Variants in NBAS observed in about 807,000 individuals in gnomAD.
The protein encoded by NBAS is NAG/BC035112 fusion.
Under a neutral mutation model 302.5 loss-of-function variants are expected in NBAS, and 219 were observed. The ratio of observed to expected loss-of-function variants is 0.72; its 90% CI spans 0.65 to 0.81. The LOEUF is 0.81. Among genes scored for constraint, NBAS ranks in the 30% least tolerant of loss-of-function variants. The probability of loss-of-function intolerance (pLI) is 0.00; values close to 1 mark genes in which losing one functional copy is unlikely to be tolerated. For synonymous variants in NBAS, 1,118 were observed against 1,021.6 expected (o/e 1.09, Z -1.80); for missense variants, 2,932 against 2,841.6 (o/e 1.03, Z -0.72).
chr2:14,997,494 A>G, the NBAS span, among the ~76,000 whole-genome samples: 17 of 151,024 alleles, frequency 1.1e-4, no homozygotes, highest in African/African-American at 4.1e-4. Flanking sequence ...TTATTGAGGT[A>G]TAACTGACAA....
chr2:15,322,175 G>A (rs1216029972), intron 38 of NBAS, among the ~76,000 whole-genome samples: 3 of 151,018 alleles, frequency 2.0e-5, no homozygotes, highest in South Asian at 2.1e-4. Flanking sequence ...ACTCATAGGT[G>A]GGAATTGAAC....
rs148258158 is a variant in NBAS at position 15,503,232 on chromosome 2, CT to C, written c.954+912del. Among the ~76,000 whole-genome samples, 12 of 148,906 alleles carry C rather than the reference CT, an allele frequency of 8.1e-5. No individual in the cohort carries two copies. In the East Asian group the frequency reaches 1.2e-3, roughly 15 times the overall value. ...ATTCCTAAGGCTGTTTTATGGTTAA[CT>C]TTTTTTTTTAGTAAGTAGAAGGAGT... On this transcript the variant is annotated intron_variant, in intron 11 of 51. Coordinates refer to ENST00000281513, the MANE Select transcript of NBAS (RefSeq NM_015909.4).
At chr2:15,277,213 A>G in intron 42 of NBAS, 112 bp from the exon 43 acceptor site, 1 of 1,351,184 alleles carries the variant, frequency 7.4e-7, no homozygotes, top group African/African-American at 1.5e-5. Context: ...CTTCCTGCCT[A>G]CTCAAAGACA....
intron 13 of NBAS, 47 bp from the exon 14 acceptor site, chr2:15,475,927 T>A: frequency 7.0e-7 from 1 of 1,435,894 alleles, no homozygotes; most frequent in Non-Finnish European, 9.7e-7. Flanking sequence ...GCTAATGTGG[T>A]TTAAATTCAA....
the NBAS span, among the ~76,000 whole-genome samples, chr2:14,954,401 C>T: frequency 6.6e-6 from 1 of 152,152 alleles, no homozygotes; most frequent in East Asian, 1.9e-4. Flanking sequence ...GCTCTGGGCA[C>T]AGTGGCGACC....
At chr2:14,982,881 G>A in the NBAS span, among the ~76,000 whole-genome samples, 1 of 152,144 alleles carries the variant, frequency 6.6e-6, no homozygotes, top group Non-Finnish European at 1.5e-5. Flanking sequence ...AAATAAGAAG[G>A]GAAAGGATGT....
intron 6 of NBAS, among the ~76,000 whole-genome samples, chr2:15,550,931 A>C (rs1420001281): frequency 6.6e-6 from 1 of 152,068 alleles, no homozygotes; most frequent in Non-Finnish European, 1.5e-5. Context: ...TTTCTTTCTC[A>C]GCCATCTCAT....
intron 44 of NBAS, among the ~76,000 whole-genome samples, chr2:15,275,092 T>G (rs1344635565): frequency 6.6e-6 from 1 of 152,144 alleles, no homozygotes; most frequent in Non-Finnish European, 1.5e-5. Flanking sequence ...CAATAACTTT[T>G]TTAAAGACTC....
chr2:15,265,621 C>G (rs1323726374), intron 44 of NBAS, among the ~76,000 whole-genome samples: 1 of 152,100 alleles, frequency 6.6e-6, no homozygotes, highest in Non-Finnish European at 1.5e-5. Context: ...GCAGCAACTA[C>G]AATATTAATT....
Position 15,281,533 on chromosome 2 carries a change from T to C in NBAS, c.5139-4432A>G, listed in dbSNP as rs114418815. ...TCTAGCCTGTTCCCAGAATTAATAA[T>C]AATAGCTACTATTTTTTTTAACACC... is the stretch of plus-strand genomic sequence containing the variant. On this transcript the variant is annotated intron_variant, in intron 42 of 51. Transcript: ENST00000281513. Among the ~76,000 whole-genome samples the C allele has an allele frequency of 1.1e-3, 162 of 152,338 alleles. 1 individual carries two copies. The highest frequency in any genetic ancestry group is 9.7e-4 in the Non-Finnish European group (66 of 68,026).
At chr2:14,997,179 A>G in the NBAS span, among the ~76,000 whole-genome samples, 1 of 152,106 alleles carries the variant, frequency 6.6e-6, no homozygotes, top group Non-Finnish European at 1.5e-5. Flanking sequence ...GCAGGAGAGG[A>G]GCAGAAAAGG....
At chr2:14,847,567 T>C in the NBAS span, among the ~76,000 whole-genome samples, 1 of 147,334 alleles carries the variant, frequency 6.8e-6, no homozygotes, top group Non-Finnish European at 1.5e-5. Flanking sequence ...GATAAAGGGG[T>C]CAATTCAGCA....
chr2:15,129,545 A>G, the NBAS span, among the ~76,000 whole-genome samples: 1 of 152,144 alleles, frequency 6.6e-6, no homozygotes, highest in East Asian at 1.9e-4. Context: ...TCAGCCAGAC[A>G]CGGGGCTCCC....
the NBAS span, among the ~76,000 whole-genome samples, chr2:15,024,872 C>A: frequency 6.6e-6 from 1 of 152,136 alleles, no homozygotes; most frequent in African/African-American, 2.4e-5. Context: ...AGAACTTAAT[C>A]AGATGTACAG....
At chr2:15,081,321 A>G in the NBAS span, among the ~76,000 whole-genome samples, 1 of 152,202 alleles carries the variant, frequency 6.6e-6, no homozygotes, top group Admixed American at 6.5e-5. Context: ...AGGCAACTCC[A>G]AGGAGGTATG....
the NBAS span, among the ~76,000 whole-genome samples, chr2:15,038,795 G>A: frequency 1.8e-4 from 28 of 152,336 alleles, 1 homozygote; most frequent in Admixed American, 5.9e-4. Context: ...AATTTGGCCC[G>A]TAGCCACTCC....
chr2:15,059,324 T>C, the NBAS span, among the ~76,000 whole-genome samples: 1 of 152,366 alleles, frequency 6.6e-6, no homozygotes, highest in South Asian at 2.1e-4. Flanking sequence ...TAAATGTTCC[T>C]TGTTGATGAA....
At chr2:15,402,690 A>T (rs1166104330) in intron 25 of NBAS, among the ~76,000 whole-genome samples, 1 of 152,190 alleles carries the variant, frequency 6.6e-6, no homozygotes, top group Non-Finnish European at 1.5e-5. Flanking sequence ...TAATATTCAA[A>T]GATGTTACAA....
the NBAS span, among the ~76,000 whole-genome samples, chr2:14,837,023 C>T: frequency 2.0e-5 from 3 of 151,812 alleles, no homozygotes; most frequent in Non-Finnish European, 4.4e-5. Context: ...AGCAACCTTG[C>T]TAAACTCATT....
Sources: allele counts gnomAD v4.1 joint callset (sites outside exome capture counted in the v4.1 genomes callset), GRCh38; gene constraint gnomAD v4.1.1; transcripts MANE v1.5; gene names NCBI Gene and HGNC (gene_info 2026-07-23, HGNC 2026-07-21).